The following NSUN2 variants were observed in gnomAD, a reference collection of about 807,000 sequenced individuals.
NSUN2 encodes the protein NOP2/Sun RNA methyltransferase 2, also known as RNA cytosine C(5)-methyltransferase NSUN2.
Under a neutral mutation model 92.7 loss-of-function variants are expected in NSUN2, and 63 were observed. The ratio of observed to expected loss-of-function variants is 0.68; its 90% CI spans 0.56 to 0.84. The LOEUF (loss-of-function observed/expected upper bound fraction) is 0.84. NSUN2 is among the 40% of genes least tolerant of loss of function. NSUN2 has a pLI of 0.00. For synonymous variants in NSUN2, 356 were observed against 348.3 expected, an observed-to-expected ratio of 1.02 and a Z score of -0.25; for missense variants, 989 against 964.9, an observed-to-expected ratio of 1.02 and a Z score of -0.33.
At chr5:6,610,171 C>T (rs1005214281) in intron 11 of NSUN2, among the ~76,000 whole-genome samples, 2 of 152,048 alleles carry the variant, frequency 1.3e-5, no homozygotes, top group African/African-American at 4.8e-5. Context: ...TCAGGAGATC[C>T]TCCTGCCTCA....
chr5:6,620,001 A>C, intron 7 of NSUN2, 105 bp downstream of exon 7: 1 of 989,136 alleles, frequency 1.0e-6, no homozygotes, highest in Non-Finnish European at 1.5e-6. Flanking sequence ...CCGCACCCCA[A>C]GACTTATGTA....
Position 6,599,591 on chromosome 5 carries a change from A to T in NSUN2, c.*335T>A. Reference sequence around the variant, plus strand: ...CTTAAGACCAATACAGGCTTAACAAAAGACCTGAAATTTCTGCAAGGGCAG... The same window carrying T: ...CTTAAGACCAATACAGGCTTAACAATAGACCTGAAATTTCTGCAAGGGCAG... On this transcript the variant is annotated 3_prime_UTR_variant, in exon 19 of 19. Transcript: ENST00000264670. 3.9e-6 allele frequency: 1 copy of T among 253,238 alleles called. No individual in the cohort carries two copies. The highest frequency in any genetic ancestry group is 7.5e-6 in the Non-Finnish European group (1 of 132,784). 15.7% of individuals were successfully genotyped at this position (253,238 alleles called of 1,614,324 possible). A position where few individuals can be genotyped will look rare whatever the true frequency, so the allele number is the denominator to read the frequency against.
At chr5:6,632,539 C>T (rs1013313116) in intron 2 of NSUN2, 60 bp downstream of exon 2, 2 of 1,569,840 alleles carry the variant, frequency 1.3e-6, no homozygotes, top group African/African-American at 1.4e-5. Flanking sequence ...AAAACACCGT[C>T]GCCTTTAACC....
chr5:6,600,117 C>T lies in NSUN2; in HGVS notation c.2113G>A (p.Glu705Lys). ...TCCTTCTTCTTTTCTCCCAATACCTCCAGCCCCATCATCCTGAGATAATGA... is the reference window on the plus strand; with the variant it reads ...TCCTTCTTCTTTTCTCCCAATACCTTCAGCCCCATCATCCTGAGATAATGA... ...RLHYLRMMGL[E>K]VLGEKKKEGV... Residue 705 changes from glutamate to lysine, a missense_variant, in exon 19 of 19, where the codon GAG becomes AAG. This residue lies in a region of NSUN2 where 626 missense variants were observed against 602.3 expected (regional missense o/e 1.04). Transcript: ENST00000264670. The T allele has an allele frequency of 6.2e-7, 1 of 1,614,194 alleles. No individual in the cohort carries two copies. The highest frequency in any genetic ancestry group is 8.5e-7 in the Non-Finnish European group (1 of 1,180,028).
At chr5:6,617,137 T>C (rs1737246113) in intron 8 of NSUN2, among the ~76,000 whole-genome samples, 1 of 152,180 alleles carries the variant, frequency 6.6e-6, no homozygotes, top group Admixed American at 6.5e-5. Context: ...ATTCAATGTA[T>C]TAGATGAAAT....
chr5:6,601,025 C>T (rs963821166), intron 18 of NSUN2, among the ~76,000 whole-genome samples: 1 of 151,512 alleles, frequency 6.6e-6, no homozygotes, highest in African/African-American at 2.4e-5. Context: ...TTCTTTCATA[C>T]GGGACTCTGA....
At chr5:6,611,605 T>C (rs1736995507) in intron 10 of NSUN2, 120 bp downstream of exon 10, 11 of 728,262 alleles carry the variant, frequency 1.5e-5, no homozygotes, top group Middle Eastern at 2.4e-4. Flanking sequence ...TTGATTCTAA[T>C]TGGCATAACC....
intron 9 of NSUN2, among the ~76,000 whole-genome samples, chr5:6,615,661 C>T (rs551739689): frequency 7.2e-5 from 11 of 152,326 alleles, no homozygotes; most frequent in Non-Finnish European, 8.8e-5. Flanking sequence ...ACCAGCCAGC[C>T]GCCAAGGGGA....
rs1737008423 is a variant in NSUN2, at chr5:6,611,883, A to G, written c.1022-85T>C. The stretch of plus-strand genomic sequence containing the variant: ...CAGTGAAAAAAACCAGACACAGATC[A>G]CATATTATATGATTCCATGTACAGA... On this transcript the variant is annotated intron_variant, in intron 9 of 18. Coordinates refer to ENST00000264670, the MANE Select transcript of NSUN2 (RefSeq NM_017755.6). 7 of 1,139,880 alleles carry G rather than the reference A, an allele frequency of 6.1e-6. No individual in the cohort carries two copies. The South Asian group carries it at 9.3e-5, about 15-fold the overall frequency. 70.6% of individuals were successfully genotyped at this position (1,139,880 alleles called of 1,614,324 possible).
intron 12 of NSUN2, among the ~76,000 whole-genome samples, chr5:6,608,024 C>T (rs970616158): frequency 6.6e-6 from 1 of 152,178 alleles, no homozygotes; most frequent in African/African-American, 2.4e-5. Flanking sequence ...TGATAAAAGT[C>T]GTAATTCCTC....
At chr5:6,622,174 A>G (rs1579374787) in intron 5 of NSUN2, 74 bp from the exon 6 acceptor site, 1 of 1,217,092 alleles carries the variant, frequency 8.2e-7, no homozygotes. Flanking sequence ...AAGCAATTCT[A>G]GTTTTTCAAT....
At position 6,607,000 on chromosome 5, in the gene NSUN2, C is replaced by T; in HGVS notation, c.1509-88G>A. 5.2e-6 allele frequency: 5 copies of T among 955,450 alleles called. No individual in the cohort carries two copies. In the East Asian group the frequency reaches 1.2e-4, roughly 24 times the overall value. 59.2% of individuals were successfully genotyped at this position (955,450 alleles called of 1,614,324 possible). The stretch of plus-strand genomic sequence containing the variant: ...AGCACATTCTTCCTTTCTGTCAGTT[C>T]TGTGCAACATGGAACGGTTTGCGGC... On this transcript the variant is annotated intron_variant, in intron 13 of 18. Transcript: ENST00000264670.
intron 7 of NSUN2, 25 bp from the exon 8 acceptor site, chr5:6,618,049 C>T (rs2126493072): frequency 6.5e-7 from 1 of 1,548,440 alleles, no homozygotes. Flanking sequence ...TTTATGAGTG[C>T]AAAGCTCCCT....
chr5:6,604,786 G>GGA, intron 15 of NSUN2, 101 bp from the exon 16 acceptor site: 1 of 975,356 alleles, frequency 1.0e-6, no homozygotes, highest in Non-Finnish European at 1.6e-6. Flanking sequence ...GAATGGGAAA[G>GGA]GAGAGGAGAA....
chr5:6,618,107 T>C, intron 7 of NSUN2, 83 bp from the exon 8 acceptor site: 1 of 864,662 alleles, frequency 1.2e-6, no homozygotes. Flanking sequence ...ACAAGCTAAG[T>C]TACAAAACAA....
In NSUN2 at chr5:6,620,188, T is replaced by C. The variant is rs575837267; in HGVS notation, c.733A>G (p.Ser245Gly). The change falls in exon 7 of 19, where the codon AGC becomes GGC. Residue 245 changes from serine (S) to glycine (G), a missense_variant. Around this residue, in one of 3 missense-constraint regions of NSUN2, gnomAD observed 356 missense variants for 338.6 expected, o/e 1.05. Transcript: ENST00000264670. ...ACATCTATCTGGAGCCTGGGTATGC[T>C]GGAGGCATCATGGTTGACCACCATG... is the stretch of plus-strand genomic sequence containing the variant. ...CIMVVNHDAS[S>G]IPRLQIDVDG... is the part of the protein sequence containing the mutation. The C allele has an allele frequency of 3.1e-6, 5 of 1,613,092 alleles. No individual in the cohort carries two copies. Among genetic ancestry groups the C allele is most frequent in the Non-Finnish European group, 4.2e-6 (5 of 1,179,664 alleles).
At chr5:6,610,635 G>A (rs1422279196) in intron 11 of NSUN2, among the ~76,000 whole-genome samples, 1 of 149,154 alleles carries the variant, frequency 6.7e-6, no homozygotes, top group African/African-American at 2.5e-5. Context: ...AGTGAGCCGA[G>A]ATCGAGCTAC....
chr5:6,626,070 A>G (rs542095807), intron 3 of NSUN2, among the ~76,000 whole-genome samples: 1 of 152,376 alleles, frequency 6.6e-6, no homozygotes, highest in Admixed American at 6.5e-5. Context: ...CAGAATCAAA[A>G]TAATGCAGTG....
At chr5:6,608,707 G>A (rs984286390) in intron 12 of NSUN2, among the ~76,000 whole-genome samples, 5 of 152,196 alleles carry the variant, frequency 3.3e-5, no homozygotes, top group East Asian at 3.8e-4. Context: ...CCTAAAGCAC[G>A]CGTCTCTAAG....
Sources: gnomAD v4.1 joint callset for allele counts (sites outside exome capture counted in the v4.1 genomes callset) on GRCh38, gnomAD v4.1.1 for gene constraint, gnomAD v4.1.1 regional missense constraint, MANE v1.5 for transcripts, NCBI Gene and HGNC (gene_info 2026-07-23, HGNC 2026-07-21) for gene names.